Variants in RIPK4 observed in about 807,000 individuals in gnomAD.
RIPK4 encodes the protein receptor interacting serine/threonine kinase 4, also known as receptor-interacting serine/threonine-protein kinase 4.
In RIPK4, 17 loss-of-function variants were observed where a neutral mutation model predicts 42.9. The ratio of observed to expected loss-of-function variants is 0.40; its 90% CI spans 0.27 to 0.59. RIPK4 has a LOEUF of 0.59. RIPK4 is among the 20% of genes least tolerant of loss of function. The pLI is 0.47. For synonymous variants in RIPK4, 498 were observed against 499.1 expected (o/e 1.00, Z 0.03); for missense variants, 897 against 1,104.4 (o/e 0.81, Z 2.66).
chr21:41,762,528 G>A (rs889347245), intron 1 of RIPK4, among the ~76,000 whole-genome samples: 2 of 152,202 alleles, frequency 1.3e-5, no homozygotes, highest in Admixed American at 1.3e-4. Flanking sequence ...CTGGGGTCGG[G>A]TGTCGCCCGG....
chr21:41,754,801 G>A (rs73216995), intron 2 of RIPK4, among the ~76,000 whole-genome samples: 1 of 151,982 alleles, frequency 6.6e-6, no homozygotes, highest in Non-Finnish European at 1.5e-5. Flanking sequence ...TGACTGCTAC[G>A]TGCAGTGGTC....
chr21:41,763,012 C>T (rs1424203738), intron 1 of RIPK4, among the ~76,000 whole-genome samples: 1 of 152,206 alleles, frequency 6.6e-6, no homozygotes, highest in Non-Finnish European at 1.5e-5. Context: ...TACGCTTAGG[C>T]ACAGTTCAGA....
At chr21:41,760,277 G>A (rs556088371) in intron 1 of RIPK4, among the ~76,000 whole-genome samples, 11 of 152,294 alleles carry the variant, frequency 7.2e-5, no homozygotes, top group East Asian at 3.9e-4. Context: ...GCAAGTGCTC[G>A]CTTGAATCCA....
At position 41,755,350 on chromosome 21, in the gene RIPK4, G is replaced by C. The variant is rs116315787; in HGVS notation, c.474+1175C>G. 2.6e-5 allele frequency among the ~76,000 whole-genome samples: 4 copies of C among 152,140 alleles called. No individual in the cohort carries two copies. The highest frequency in any genetic ancestry group is 9.7e-5 in the African/African-American group (4 of 41,412). ...AAGAGACAACTTATAATTACTGCCCGAAGTGAAAAATTGACCTCCTCACCA... is the reference window on the plus strand; with the variant it reads ...AAGAGACAACTTATAATTACTGCCCCAAGTGAAAAATTGACCTCCTCACCA... On this transcript the variant is annotated intron_variant, in intron 2 of 7. Transcript: ENST00000332512. The surrounding 1 kb of genome is among the most constrained non-coding windows in gnomAD (Gnocchi z 4.2).
At chr21:41,762,185 G>A (rs1196436055) in intron 1 of RIPK4, among the ~76,000 whole-genome samples, 1 of 151,770 alleles carries the variant, frequency 6.6e-6, no homozygotes, top group Non-Finnish European at 1.5e-5. Context: ...CAGCTGTCCT[G>A]GAAAAAAAAA....
chr21:41,763,051 C>T (rs2061225727), intron 1 of RIPK4, among the ~76,000 whole-genome samples: 1 of 152,212 alleles, frequency 6.6e-6, no homozygotes. Flanking sequence ...CCCTCTCCTT[C>T]GCTGCTGGTG....
chr21:41,745,776 G>T lies in RIPK4; in HGVS notation c.919C>A (p.Pro307Thr). Residue 307 changes from proline to threonine, a missense_variant, in exon 6 of 8, where the codon CCG (proline) becomes ACG (threonine). Physicochemically the swap from Pro to Thr is conservative, Grantham distance 38 (BLOSUM62 -1). Coordinates refer to ENST00000332512, the MANE Select transcript of RIPK4 (RefSeq NM_020639.3). ...TAHDLDVKSPPEPRSEVVPAR... is the reference protein window; with the variant it reads ...TAHDLDVKSPTEPRSEVVPAR... ...CTCGTTACCTCGCTCCTGGGCTCCG[G>T]GGGGCTTTTCACGTCCAGATCATGA... is the stretch of plus-strand genomic sequence containing the variant. 6.2e-7 allele frequency: 1 copy of T among 1,614,044 alleles called. No individual in the cohort carries two copies. Among genetic ancestry groups the T allele is most frequent in the South Asian group, 1.1e-5 (1 of 91,054 alleles).
intron 3 of RIPK4, among the ~76,000 whole-genome samples, chr21:41,749,845 A>G (rs1032249034): frequency 4.7e-5 from 7 of 150,438 alleles, no homozygotes; most frequent in African/African-American, 1.5e-4. Flanking sequence ...GGATACGTTC[A>G]TGTACATTAC....
At chr21:41,761,336 C>A (rs1278076665) in intron 1 of RIPK4, among the ~76,000 whole-genome samples, 1 of 152,276 alleles carries the variant, frequency 6.6e-6, no homozygotes, top group African/African-American at 2.4e-5. Context: ...AACTTCCAAC[C>A]CGGCAACTGC....
intron 1 of RIPK4, among the ~76,000 whole-genome samples, chr21:41,764,103 C>T (rs1250404558): frequency 6.6e-6 from 1 of 152,246 alleles, no homozygotes; most frequent in Non-Finnish European, 1.5e-5. Flanking sequence ...CCCAGGAGGG[C>T]CCCCTGGCAG....
In RIPK4 at chr21:41,756,184, C is replaced by T. The variant is rs185768403; in HGVS notation, c.474+341G>A. 1.6e-3 allele frequency among the ~76,000 whole-genome samples: 248 copies of T among 152,336 alleles called. 1 individual carries two copies. Among genetic ancestry groups the T allele is most frequent in the Non-Finnish European group, 1.0e-3 (70 of 68,028 alleles). On this transcript the variant is annotated intron_variant, in intron 2 of 7. Transcript: ENST00000332512. ...TAAGGTCTCGCAAGGACACACCTGGCCCACGGGCTGAATTCTAACCTGATT... is the reference window on the plus strand; with the variant it reads ...TAAGGTCTCGCAAGGACACACCTGGTCCACGGGCTGAATTCTAACCTGATT...
intron 1 of RIPK4, 23 bp downstream of exon 1, chr21:41,766,837 A>G (rs2146065847): frequency 6.3e-7 from 1 of 1,595,916 alleles, no homozygotes; most frequent in East Asian, 2.3e-5. Flanking sequence ...CAGCCGCCCC[A>G]GCGCCCCGCC....
In RIPK4 at chr21:41,740,925, C is replaced by T. The variant is rs746523780; in HGVS notation, c.2268G>A (p.Arg756=). ...TCTGCAGGTTGATGTGGGCCCCATG[C>T]CTGAGCAGAGTCTCCACCGTCTGTG... The part of the protein sequence containing the change: ...RHAQTVETLL[R]HGAHINLQSL... Residue 756 remains arginine (R), a synonymous_variant, in exon 8 of 8, where the codon AGG becomes AGA. Transcript: ENST00000332512. 27 of 1,612,684 alleles carry T rather than the reference C, an allele frequency of 1.7e-5. No homozygotes were observed. The highest frequency in any genetic ancestry group is 2.3e-5 in the Non-Finnish European group (27 of 1,179,882).
rs1004248468 is a variant in RIPK4 at position 41,756,662 on chromosome 21, A to G, written c.337T>C (p.Leu113=). Residue 113 remains leucine (L), a synonymous_variant, in exon 2 of 8, where the codon TTG becomes CTG. Transcript: ENST00000332512. ...SLEKLLASEP[L]PWDLRFRIIH... is the part of the protein sequence containing the mutation. ...ATTCGGAACCGGAGATCCCATGGCAATGGCTCCGAAGCCAGCAGCTTTTCC... is the reference window on the plus strand; with the variant it reads ...ATTCGGAACCGGAGATCCCATGGCAGTGGCTCCGAAGCCAGCAGCTTTTCC... 6.2e-7 allele frequency: 1 copy of G among 1,613,996 alleles called. No homozygotes were observed. The highest frequency in any genetic ancestry group is 8.5e-7 in the Non-Finnish European group (1 of 1,180,050).
chr21:41,746,543 CT>C, intron 5 of RIPK4, 69 bp downstream of exon 5: 1 of 1,566,492 alleles, frequency 6.4e-7, no homozygotes, highest in South Asian at 1.1e-5. Flanking sequence ...GTCCCTCACC[CT>C]GTCCTGTCTG....
At chr21:41,765,121 T>A (rs1281002462) in intron 1 of RIPK4, among the ~76,000 whole-genome samples, 1 of 151,888 alleles carries the variant, frequency 6.6e-6, no homozygotes, top group East Asian at 1.9e-4. Context: ...AGCTGGTGAG[T>A]CAGTCCAGGT....
Position 41,739,893 on chromosome 21 carries a change from A to G in RIPK4, c.*945T>C, listed in dbSNP as rs2061146991. On this transcript the variant is annotated 3_prime_UTR_variant, in exon 8 of 8. Transcript: ENST00000332512. ...TGCATCTACCTAGGTAATACTGTCT[A>G]TGTCTAGGTAATACTATGTAATTTT... 1.3e-5 allele frequency: 2 copies of G among 152,264 alleles called. 1 individual carries two copies. Among genetic ancestry groups the G allele is most frequent in the South Asian group, 4.1e-4 (2 of 4,836 alleles). 9.4% of individuals were successfully genotyped at this position (152,264 alleles called of 1,614,324 possible).
chr21:41,742,211 G>A lies in RIPK4; in HGVS notation c.1196-214C>T, dbSNP rs1305041252. Among the ~76,000 whole-genome samples, 1 of 152,196 alleles carries A rather than the reference G, an allele frequency of 6.6e-6. No homozygotes were observed. The highest frequency in any genetic ancestry group is 1.5e-5 in the Non-Finnish European group (1 of 68,026). Reference sequence around the variant, plus strand: ...GCAGGCTGGCGAATGTCTCCCAGGTGCTCGTTAGTCGGTTTGCAAAATAAA... The same window carrying A: ...GCAGGCTGGCGAATGTCTCCCAGGTACTCGTTAGTCGGTTTGCAAAATAAA... On this transcript the variant is annotated intron_variant, in intron 7 of 7. Coordinates refer to ENST00000332512, the MANE Select transcript of RIPK4 (RefSeq NM_020639.3). This position sits in a 1 kb window ranked among gnomAD's most constrained non-coding sequence, Gnocchi z 5.1.
chr21:41,741,658 G>T lies in RIPK4; in HGVS notation c.1535C>A (p.Ala512Asp). 6.2e-7 allele frequency: 1 copy of T among 1,613,658 alleles called. No individual in the cohort carries two copies. Reference sequence around the variant, plus strand: ...TGTGCTAGACTCGTCCCCGTTCTGGGCTGCAAAGTGGAGGGCTGTCCACTG... The same window carrying T: ...TGTGCTAGACTCGTCCCCGTTCTGGTCTGCAAAGTGGAGGGCTGTCCACTG... ...EDQWTALHFA[A>D]QNGDESSTRL... Residue 512 changes from alanine to aspartate, a missense_variant, in exon 8 of 8, where the codon GCC becomes GAC. Physicochemically the swap from Ala to Asp is moderately radical, Grantham distance 126 (BLOSUM62 -2). Coordinates refer to ENST00000332512, the MANE Select transcript of RIPK4 (RefSeq NM_020639.3).
Sources: gnomAD v4.1 joint callset for allele counts (sites outside exome capture counted in the v4.1 genomes callset) on GRCh38, gnomAD v4.1.1 for gene constraint, Gnocchi (gnomAD v3.1) non-coding constraint, MANE v1.5 for transcripts, NCBI Gene and HGNC (gene_info 2026-07-23, HGNC 2026-07-21) for gene names.